Variants in NELL1 observed in about 807,000 individuals in gnomAD.
NELL1 encodes the protein neural EGFL like 1, also known as protein kinase C-binding protein NELL1.
NELL1 carries 76 observed loss-of-function variants against 107.4 expected under a neutral mutation model. That is an observed-to-expected ratio of 0.71 (90% confidence interval 0.59 to 0.86). The LOEUF (loss-of-function observed/expected upper bound fraction) is 0.86, where lower values mean the gene tolerates loss of function less well. Among genes scored for constraint, NELL1 ranks in the 40% least tolerant of loss-of-function variants. NELL1 has a pLI of 0.00. For synonymous variants in NELL1, 353 were observed against 341.2 expected (o/e 1.03, Z -0.38); for missense variants, 1,024 against 1,005.5 (o/e 1.02, Z -0.25).
intron 14 of NELL1, among the ~76,000 whole-genome samples, chr11:21,352,684 T>TA (rs776721825): frequency 6.6e-6 from 1 of 152,192 alleles, no homozygotes; most frequent in Non-Finnish European, 1.5e-5. Context: ...TTGGATCCTG[T>TA]TCAGTGATGT....
intron 13 of NELL1, among the ~76,000 whole-genome samples, chr11:21,208,112 A>G (rs972206086): frequency 6.6e-6 from 1 of 152,094 alleles, no homozygotes. Context: ...GATTACCTAT[A>G]GTCCCCCTCA....
intron 15 of NELL1, among the ~76,000 whole-genome samples, chr11:21,380,887 G>A (rs1271523264): frequency 6.6e-6 from 1 of 151,992 alleles, no homozygotes; most frequent in Non-Finnish European, 1.5e-5. Context: ...TCAGAGGCCT[G>A]AGTTTTGATA....
chr11:20,932,029 G>A lies in NELL1; in HGVS notation c.997+3550G>A, dbSNP rs183268329. ...AACTGCAGCACTTACAGATGAGGGC[G>A]TCTGTTTGGAAATAGGGAAGAAATT... On this transcript the variant is annotated intron_variant, in intron 9 of 19. Transcript: ENST00000357134. 1.3e-3 allele frequency among the ~76,000 whole-genome samples: 201 copies of A among 152,254 alleles called. 1 individual carries two copies. The highest frequency in any genetic ancestry group is 6.5e-4 in the Non-Finnish European group (44 of 68,024).
At position 20,833,273 on chromosome 11, in the gene NELL1, C is replaced by G. The variant is rs189418931; in HGVS notation, c.336-14310C>G. On this transcript the variant is annotated intron_variant, in intron 3 of 19. Transcript: ENST00000357134. ...ATAACTAAAGTGGTATGTGGTAAGA[C>G]TTGATAAATGTTAGCCATTATTATT... 3.3e-5 allele frequency among the ~76,000 whole-genome samples: 5 copies of G among 151,302 alleles called. No homozygotes were observed. The East Asian group carries it at 9.9e-4, about 30-fold the overall frequency.
intron 2 of NELL1, among the ~76,000 whole-genome samples, chr11:20,729,135 GA>G (rs375191847): frequency 0.087 from 1,194 of 13,780 alleles, 14 homozygotes; most frequent in African/African-American, 0.092. Context: ...AAATGCTACT[GA>G]TTTTTTTTTA....
At chr11:21,170,483 A>G (rs1434258135) in intron 13 of NELL1, among the ~76,000 whole-genome samples, 1 of 151,646 alleles carries the variant, frequency 6.6e-6, no homozygotes, top group Admixed American at 6.6e-5. Flanking sequence ...ATATATTGCT[A>G]TTTTTCCTCC....
At chr11:20,727,401 A>G (rs1321859172) in intron 2 of NELL1, among the ~76,000 whole-genome samples, 1 of 152,132 alleles carries the variant, frequency 6.6e-6, no homozygotes, top group Non-Finnish European at 1.5e-5. Flanking sequence ...TCTTCTTTTG[A>G]GAAGTGTCTG....
intron 12 of NELL1, among the ~76,000 whole-genome samples, chr11:20,968,687 G>A (rs983672104): frequency 2.0e-4 from 30 of 152,170 alleles, no homozygotes; most frequent in African/African-American, 6.8e-4. Flanking sequence ...ATAGAAAATT[G>A]GTTTTCTATA....
chr11:21,309,036 T>A (rs1378167369), intron 14 of NELL1, among the ~76,000 whole-genome samples: 3 of 151,716 alleles, frequency 2.0e-5, no homozygotes, highest in Non-Finnish European at 4.4e-5. Flanking sequence ...GAGCCAGACA[T>A]CATTTTAGAC....
At chr11:20,719,419 AACACACAC>A (rs10609543) in intron 2 of NELL1, among the ~76,000 whole-genome samples, 2 of 151,104 alleles carry the variant, frequency 1.3e-5, no homozygotes, top group African/African-American at 4.9e-5. Context: ...TACTATTAAA[AACACACAC>A]ACACACACAC....
At chr11:20,929,969 CAAAAA>C (rs971079446) in intron 9 of NELL1, among the ~76,000 whole-genome samples, 2 of 93,842 alleles carry the variant, frequency 2.1e-5, no homozygotes, top group African/African-American at 8.4e-5. Flanking sequence ...GAGTCTGTCT[CAAAAA>C]AAAAAAAGAA....
chr11:21,256,071 A>G (rs1457624208), intron 14 of NELL1, among the ~76,000 whole-genome samples: 2 of 151,992 alleles, frequency 1.3e-5, no homozygotes, highest in African/African-American at 4.8e-5. Flanking sequence ...TTCTCTTAAG[A>G]ACAGACCTAA....
chr11:20,885,521 A>T lies in NELL1; in HGVS notation c.584A>T (p.Gln195Leu). Reference sequence around the variant, plus strand: ...AATTTATGGCTTGGCCAGCGCAACCAAAAGCATGGCTTATTCAAAGTAAGC... The same window carrying T: ...AATTTATGGCTTGGCCAGCGCAACCTAAAGCATGGCTTATTCAAAGTAAGC... Reference protein sequence around the residue: ...GINLWLGQRNQKHGLFKGIIQ... With the variant: ...GINLWLGQRNLKHGLFKGIIQ... The change falls in exon 5 of 20, where the codon CAA becomes CTA. Residue 195 changes from glutamine (Q) to leucine (L), a missense_variant. Coordinates refer to ENST00000357134, the MANE Select transcript of NELL1 (RefSeq NM_006157.5). The T allele has an allele frequency of 6.2e-7, 1 of 1,609,388 alleles. No homozygotes were observed. Among genetic ancestry groups the T allele is most frequent in the South Asian group, 1.1e-5 (1 of 90,984 alleles).
intron 3 of NELL1, among the ~76,000 whole-genome samples, chr11:20,796,004 A>G (rs1857162408): frequency 6.6e-6 from 1 of 152,048 alleles, no homozygotes; most frequent in Non-Finnish European, 1.5e-5. Flanking sequence ...CACATCATAG[A>G]GTTATTGGAA....
At chr11:20,945,234 C>G (rs759636792) in intron 10 of NELL1, among the ~76,000 whole-genome samples, 1 of 152,176 alleles carries the variant, frequency 6.6e-6, no homozygotes, top group South Asian at 2.1e-4. Flanking sequence ...GGGGAAGAAA[C>G]TGAGAAGAGG....
intron 15 of NELL1, among the ~76,000 whole-genome samples, chr11:21,474,679 A>G (rs1854278135): frequency 6.6e-6 from 1 of 152,094 alleles, no homozygotes. Context: ...CTTGTATTGT[A>G]GAGAGTTTTA....
At chr11:21,415,273 T>G (rs1852486546) in intron 15 of NELL1, among the ~76,000 whole-genome samples, 1 of 152,108 alleles carries the variant, frequency 6.6e-6, no homozygotes, top group Non-Finnish European at 1.5e-5. Flanking sequence ...ACTGTGCCTT[T>G]GCTTGTCAGC....
intron 2 of NELL1, among the ~76,000 whole-genome samples, chr11:20,740,270 C>G (rs955733019): frequency 5.9e-5 from 9 of 152,112 alleles, no homozygotes; most frequent in Non-Finnish European, 1.3e-4. Context: ...TTGATCGTAC[C>G]CTGCACTTTA....
chr11:21,187,776 T>C (rs1856966021), intron 13 of NELL1, among the ~76,000 whole-genome samples: 1 of 151,784 alleles, frequency 6.6e-6, no homozygotes, highest in Non-Finnish European at 1.5e-5. Context: ...AATTTTCAGA[T>C]TAAAAAGCTG....
Sources: allele counts gnomAD v4.1 joint callset (sites outside exome capture counted in the v4.1 genomes callset), GRCh38; gene constraint gnomAD v4.1.1; transcripts MANE v1.5; gene names NCBI Gene and HGNC (gene_info 2026-07-23, HGNC 2026-07-21).